MRPS9: variants seen among roughly 807,000 people sequenced by gnomAD.
MRPS9 encodes the protein small ribosomal subunit protein uS9m.
Under a neutral mutation model 59.9 loss-of-function variants are expected in MRPS9, and 45 were observed. The ratio of observed to expected loss-of-function variants is 0.75; its 90% CI spans 0.59 to 0.96. The LOEUF is 0.96. MRPS9 is among the 40% of genes least tolerant of loss of function. MRPS9 has a pLI of 0.00. For synonymous variants in MRPS9, 171 were observed against 166.8 expected (o/e 1.03, Z -0.19); for missense variants, 473 against 481.1 (o/e 0.98, Z 0.16).
intron 1 of MRPS9, among the ~76,000 whole-genome samples, chr2:105,047,775 G>A (rs17020867): frequency 0.07 from 10,647 of 152,020 alleles, 591 homozygotes; most frequent in East Asian, 0.27. Context: ...GACTGAAGGC[G>A]AAATCTTCAT....
chr2:105,067,995 AAT>A (rs1680036279), intron 2 of MRPS9, among the ~76,000 whole-genome samples: 1 of 151,850 alleles, frequency 6.6e-6, no homozygotes. Context: ...ACTTCTTAAA[AAT>A]TTTTTTTGTA....
intron 4 of MRPS9, among the ~76,000 whole-genome samples, chr2:105,076,693 T>G (rs1198502192): frequency 6.6e-6 from 1 of 152,188 alleles, no homozygotes; most frequent in African/African-American, 2.4e-5. Context: ...CTTTCAATAC[T>G]TTTAAAGTAA....
intron 4 of MRPS9, among the ~76,000 whole-genome samples, chr2:105,076,663 G>A (rs925656676): frequency 4.6e-5 from 7 of 152,168 alleles, no homozygotes; most frequent in African/African-American, 1.7e-4. Flanking sequence ...AAGGTGGCTA[G>A]TTGAAGAATA....
intron 2 of MRPS9, among the ~76,000 whole-genome samples, chr2:105,065,369 C>T (rs1679981626): frequency 6.6e-6 from 1 of 152,148 alleles, no homozygotes; most frequent in African/African-American, 2.4e-5. Flanking sequence ...GTGTAAGCTA[C>T]TTAACTGCTG....
chr2:105,069,295 A>G (rs1573432644), intron 2 of MRPS9, among the ~76,000 whole-genome samples: 2 of 149,902 alleles, frequency 1.3e-5, no homozygotes, highest in African/African-American at 4.9e-5. Context: ...GCTCACTGCA[A>G]CCTCCGCCTT....
At chr2:105,045,485 G>A (rs1679575938) in intron 1 of MRPS9, among the ~76,000 whole-genome samples, 2 of 151,126 alleles carry the variant, frequency 1.3e-5, no homozygotes, top group Non-Finnish European at 1.5e-5. Flanking sequence ...ATCTCAGATT[G>A]GGTTAAAAAA....
chr2:105,051,834 G>A (rs1232538730), intron 2 of MRPS9, among the ~76,000 whole-genome samples: 1 of 151,574 alleles, frequency 6.6e-6, no homozygotes, highest in African/African-American at 2.4e-5. Flanking sequence ...AATATTTTTG[G>A]GTTTCTTATT....
Position 105,099,839 on chromosome 2 carries a change from G to T in MRPS9, c.*78G>T, listed in dbSNP as rs533965659. On this transcript the variant is annotated 3_prime_UTR_variant, in exon 11 of 11. Coordinates refer to ENST00000258455, the MANE Select transcript of MRPS9 (RefSeq NM_182640.3). ...GGCAGACACACAGTAAATAATGGCT[G>T]ACCAGCATGAGGGCAGTACTGTCAG... The T allele has an allele frequency of 7.6e-7, 1 of 1,321,234 alleles. No homozygotes were observed. Among genetic ancestry groups the T allele is most frequent in the Non-Finnish European group, 1.1e-6 (1 of 930,134 alleles). The allele number at this position is 1,321,234 out of a possible 1,614,324, so 81.8% of individuals were successfully genotyped here. A position where few individuals can be genotyped will look rare whatever the true frequency, so the allele number is the denominator to read the frequency against.
At chr2:105,086,580 C>A (rs532889181) in intron 5 of MRPS9, among the ~76,000 whole-genome samples, 3 of 152,256 alleles carry the variant, frequency 2.0e-5, no homozygotes, top group Non-Finnish European at 2.9e-5. Flanking sequence ...ATTAAGTAAA[C>A]CCTTGTAAGC....
At chr2:105,060,171 C>G (rs1037503009) in intron 2 of MRPS9, among the ~76,000 whole-genome samples, 3 of 152,134 alleles carry the variant, frequency 2.0e-5, no homozygotes, top group African/African-American at 4.8e-5. Context: ...TTACCCCAAC[C>G]ATTTTTGTTA....
chr2:105,060,415 G>C (rs571193732), intron 2 of MRPS9, among the ~76,000 whole-genome samples: 2 of 152,222 alleles, frequency 1.3e-5, no homozygotes, highest in South Asian at 4.1e-4. Flanking sequence ...CCAAGTATCT[G>C]AGATTACACG....
At chr2:105,045,982 A>G (rs1679585197) in intron 1 of MRPS9, among the ~76,000 whole-genome samples, 2 of 152,030 alleles carry the variant, frequency 1.3e-5, no homozygotes, top group Non-Finnish European at 2.9e-5. Flanking sequence ...CTCCTGCCTC[A>G]GCCTCCTGAA....
intron 1 of MRPS9, 110 bp from the exon 2 acceptor site, chr2:105,049,061 C>T (rs977372752): frequency 1.9e-5 from 14 of 745,808 alleles, no homozygotes; most frequent in African/African-American, 7.2e-5. Context: ...ACTTGAATAC[C>T]GTAATAAAAA....
intron 4 of MRPS9, among the ~76,000 whole-genome samples, 168 bp downstream of exon 4, chr2:105,071,657 A>G (rs1461525343): frequency 6.6e-6 from 1 of 152,206 alleles, no homozygotes; most frequent in Admixed American, 6.5e-5. Flanking sequence ...TTTGCAAACC[A>G]TATCTTTTAA....
In MRPS9 at chr2:105,097,300, G is replaced by T; in HGVS notation, c.1075G>T (p.Asp359Tyr). The T allele has an allele frequency of 6.8e-6, 11 of 1,609,576 alleles. No homozygotes were observed. Among genetic ancestry groups the T allele is most frequent in the Non-Finnish European group, 9.3e-6 (11 of 1,178,014 alleles). Reference protein sequence around the residue: ...AKALCSFVTEDEVEWMRQAGL... With the variant: ...AKALCSFVTEYEVEWMRQAGL... The stretch of plus-strand genomic sequence containing the variant: ...AGCCTTGTGCAGCTTTGTCACCGAG[G>T]ACGAGGTCGAGTGGATGAGACAAGG... Residue 359 changes from aspartate (D) to tyrosine (Y), a missense_variant, in exon 10 of 11, where the codon GAC (aspartate) becomes TAC (tyrosine). Asp to Tyr is a radical substitution (Grantham distance 160). Transcript: ENST00000258455.
chr2:105,073,888 C>T (rs575977430), intron 4 of MRPS9, among the ~76,000 whole-genome samples: 3 of 152,228 alleles, frequency 2.0e-5, no homozygotes, highest in South Asian at 2.1e-4. Flanking sequence ...AAGGCTATAA[C>T]GAATTTGAAT....
chr2:105,083,375 G>A (rs1269993288), intron 5 of MRPS9, among the ~76,000 whole-genome samples: 1 of 152,154 alleles, frequency 6.6e-6, no homozygotes, highest in Non-Finnish European at 1.5e-5. Flanking sequence ...CTCCTTTCCT[G>A]CAGCAGCTTG....
intron 2 of MRPS9, among the ~76,000 whole-genome samples, chr2:105,070,275 TTTTTG>T (rs145019186): frequency 0.018 from 2,688 of 152,094 alleles, 81 homozygotes; most frequent in African/African-American, 0.062. Context: ...TGACCTAGGT[TTTTTG>T]TTTTGTTTTA....
chr2:105,099,156 TTTTTAA>T (rs1446700560), intron 10 of MRPS9: 1 of 152,230 alleles, frequency 6.6e-6, no homozygotes, highest in Non-Finnish European at 1.5e-5. Flanking sequence ...AAAGTTTCCT[TTTTTAA>T]ATGTTTGACA....
Sources: gnomAD v4.1 joint callset for allele counts (sites outside exome capture counted in the v4.1 genomes callset) on GRCh38, gnomAD v4.1.1 for gene constraint, MANE v1.5 for transcripts, NCBI Gene and HGNC (gene_info 2026-07-23, HGNC 2026-07-21) for gene names.